Variants in PLEKHA5 observed in about 807,000 individuals in gnomAD.
PLEKHA5 encodes pleckstrin homology domain-containing family A member 5.
Under a neutral mutation model 181.9 loss-of-function variants are expected in PLEKHA5, and 55 were observed. The observed-to-expected ratio is 0.30, with a 90% CI of 0.24 to 0.38. The LOEUF (loss-of-function observed/expected upper bound fraction) is 0.38. PLEKHA5 is among the 10% of genes least tolerant of loss of function. The pLI is 1.00. For synonymous variants in PLEKHA5, 535 were observed against 529.4 expected, an observed-to-expected ratio of 1.01 and a Z score of -0.15; for missense variants, 1,432 against 1,549.5, an observed-to-expected ratio of 0.92 and a Z score of 1.27.
chr12:19,178,520 T>A (rs2047829205), intron 3 of PLEKHA5, among the ~76,000 whole-genome samples: 1 of 152,248 alleles, frequency 6.6e-6, no homozygotes, highest in South Asian at 2.1e-4. Flanking sequence ...ATGATTGAAG[T>A]AATAACATTG....
At chr12:19,270,150 A>T in intron 9 of PLEKHA5, 38 bp from the exon 10 acceptor site, 1 of 1,345,944 alleles carries the variant, frequency 7.4e-7, no homozygotes, top group Admixed American at 2.9e-5. Flanking sequence ...TGAATCCAGA[A>T]TCCTAACATT....
At chr12:19,344,826 C>T (rs371641467) in intron 22 of PLEKHA5, among the ~76,000 whole-genome samples, 2 of 151,958 alleles carry the variant, frequency 1.3e-5, no homozygotes, top group East Asian at 1.9e-4. Context: ...TATGTGAAAT[C>T]GGCCAGGCGT....
intron 3 of PLEKHA5, among the ~76,000 whole-genome samples, chr12:19,178,795 G>A (rs953866082): frequency 6.6e-6 from 1 of 152,168 alleles, no homozygotes; most frequent in South Asian, 2.1e-4. Flanking sequence ...AGTGATGTCT[G>A]TGGATTGATT....
At chr12:19,360,601 G>A (rs998019060) in intron 28 of PLEKHA5, among the ~76,000 whole-genome samples, 12 of 148,180 alleles carry the variant, frequency 8.1e-5, no homozygotes, top group South Asian at 4.2e-4. Context: ...GTGAGATTCC[G>A]TCTCAAAAAA....
chr12:19,232,806 G>T (rs950618265), intron 3 of PLEKHA5, among the ~76,000 whole-genome samples: 4 of 152,128 alleles, frequency 2.6e-5, no homozygotes, highest in African/African-American at 9.7e-5. Context: ...TTGGGTAGTG[G>T]ATGAAAAATA....
chr12:19,224,370 C>CTTTTGT (rs1241041371), intron 3 of PLEKHA5, among the ~76,000 whole-genome samples: 1 of 152,050 alleles, frequency 6.6e-6, no homozygotes, highest in African/African-American at 2.4e-5. Flanking sequence ...AATTGAATGA[C>CTTTTGT]TTTTGTTTTT....
At chr12:19,192,851 C>T (rs1199602137) in intron 3 of PLEKHA5, among the ~76,000 whole-genome samples, 1 of 152,208 alleles carries the variant, frequency 6.6e-6, no homozygotes, top group Non-Finnish European at 1.5e-5. Flanking sequence ...AGACATTCTA[C>T]TTAACTAATA....
rs531567322 is a variant in PLEKHA5 at position 19,212,787 on chromosome 12, C to G, written c.228-41153C>G. Among the ~76,000 whole-genome samples the G allele has an allele frequency of 3.3e-5, 5 of 151,648 alleles. No individual in the cohort carries two copies. The South Asian group carries it at 1.0e-3, about 32-fold the overall frequency. On this transcript the variant is annotated intron_variant, in intron 3 of 31. Transcript: ENST00000429027. ...CAGCATCTACAGGGAAGATATCATTCCCATTTCAGAAAGAGGAAAACATGA... is the reference window on the plus strand; with the variant it reads ...CAGCATCTACAGGGAAGATATCATTGCCATTTCAGAAAGAGGAAAACATGA...
At position 19,274,835 on chromosome 12, in the gene PLEKHA5, C is replaced by G; in HGVS notation, c.1165C>G (p.Leu389Val). ...SSENKIVNVSLADLRGGNRPN... is the reference protein window; with the variant it reads ...SSENKIVNVSVADLRGGNRPN... ...AGAGAACAAAATAGTCAATGTTAGC[C>G]TGGCAGATCTTAGAGGTGGAAATCG... The change falls in exon 11 of 32, where the codon CTG (leucine) becomes GTG (valine). Residue 389 changes from leucine to valine, a missense_variant. By Grantham distance (32) the Leu-to-Val change is conservative. Transcript: ENST00000429027. 1 of 1,614,144 alleles carries G rather than the reference C, an allele frequency of 6.2e-7. No individual in the cohort carries two copies.
chr12:19,200,151 A>G (rs888642033), intron 3 of PLEKHA5, among the ~76,000 whole-genome samples: 1 of 152,076 alleles, frequency 6.6e-6, no homozygotes, highest in African/African-American at 2.4e-5. Context: ...CCAACACAGA[A>G]AAATGATTAG....
At chr12:19,192,299 G>A (rs527815858) in intron 3 of PLEKHA5, among the ~76,000 whole-genome samples, 2 of 152,224 alleles carry the variant, frequency 1.3e-5, no homozygotes, top group South Asian at 4.1e-4. Flanking sequence ...TAGAAAATGA[G>A]ATTCATGAGG....
rs367942563 is a variant in PLEKHA5, at chr12:19,348,498, A to G, written c.2998A>G (p.Ile1000Val). ...GEEKSEPVSE[I>V]ETSVVKGSHF... ...AGAAAAATCAGAACCTGTTTCAGAG[A>G]TAGAAACTTCAGTTGTTAAAGGTCA... The change falls in exon 25 of 32, where the codon ATA becomes GTA. Residue 1000 changes from isoleucine to valine, a missense_variant. Transcript: ENST00000429027. 1.5e-5 allele frequency: 24 copies of G among 1,575,058 alleles called. No individual in the cohort carries two copies. The highest frequency in any genetic ancestry group is 2.1e-5 in the Non-Finnish European group (24 of 1,168,256).
chr12:19,214,688 A>T (rs1430213589), intron 3 of PLEKHA5, among the ~76,000 whole-genome samples: 1 of 152,122 alleles, frequency 6.6e-6, no homozygotes, highest in Non-Finnish European at 1.5e-5. Flanking sequence ...AGTGATTAGG[A>T]TGGTGGCTTA....
chr12:19,231,614 A>ATG (rs1294650905), intron 3 of PLEKHA5, among the ~76,000 whole-genome samples: 1 of 147,350 alleles, frequency 6.8e-6, no homozygotes. Flanking sequence ...ATATATATAA[A>ATG]TACTCATAAA....
intron 12 of PLEKHA5, among the ~76,000 whole-genome samples, chr12:19,284,536 T>C (rs1239450390): frequency 6.6e-6 from 1 of 152,246 alleles, no homozygotes; most frequent in Non-Finnish European, 1.5e-5. Flanking sequence ...GATAACTCCT[T>C]AAACACTCGA....
intron 15 of PLEKHA5, among the ~76,000 whole-genome samples, chr12:19,298,630 A>G (rs1425517783): frequency 6.6e-6 from 1 of 151,716 alleles, no homozygotes; most frequent in Non-Finnish European, 1.5e-5. Flanking sequence ...CAGCCTCCCA[A>G]AGTGCTGGGA....
chr12:19,268,654 C>A (rs1288704937), intron 8 of PLEKHA5, among the ~76,000 whole-genome samples: 1 of 152,172 alleles, frequency 6.6e-6, no homozygotes, highest in African/African-American at 2.4e-5. Flanking sequence ...TTGACATCAT[C>A]TAGTAAATAT....
At chr12:19,363,556 A>G (rs2095330109) in intron 29 of PLEKHA5, among the ~76,000 whole-genome samples, 3 of 150,880 alleles carry the variant, frequency 2.0e-5, no homozygotes, top group Non-Finnish European at 2.9e-5. Context: ...CAGTAGTGCA[A>G]TCTAGGCACA....
At chr12:19,211,483 A>G (rs1240967549) in intron 3 of PLEKHA5, among the ~76,000 whole-genome samples, 2 of 152,182 alleles carry the variant, frequency 1.3e-5, no homozygotes. Context: ...CAAGGCATGC[A>G]GAAGCTGGAA....
Sources: gnomAD v4.1 joint callset for allele counts (sites outside exome capture counted in the v4.1 genomes callset) on GRCh38, gnomAD v4.1.1 for gene constraint, MANE v1.5 for transcripts, NCBI Gene and HGNC (gene_info 2026-07-23, HGNC 2026-07-21) for gene names.